Variants in NEK10 observed in about 807,000 individuals in gnomAD.
NEK10 encodes the protein serine/threonine-protein kinase Nek10.
A neutral mutation model predicts 159.8 loss-of-function variants in NEK10; 122 were observed. The observed-to-expected ratio is 0.76, with a 90% CI of 0.66 to 0.89. The LOEUF (loss-of-function observed/expected upper bound fraction) is 0.89. Ranked by LOEUF, NEK10 falls within the 40% of genes least tolerant of loss-of-function variation. The pLI, the probability that NEK10 is intolerant of heterozygous loss-of-function variation, is 0.00. For synonymous variants in NEK10, 466 were observed against 457.1 expected (o/e 1.02, Z -0.25); for missense variants, 1,342 against 1,323.1 (o/e 1.01, Z -0.22).
At chr3:27,287,579 A>G (rs748139034) in intron 20 of NEK10, 119 bp downstream of exon 20, 1 of 1,061,944 alleles carries the variant, frequency 9.4e-7, no homozygotes, top group Non-Finnish European at 1.3e-6. Flanking sequence ...CTACTGTCAT[A>G]TTAACAAAAA....
intron 33 of NEK10, 30 bp downstream of exon 33, chr3:27,119,730 A>C (rs374200401): frequency 1.3e-5 from 19 of 1,515,778 alleles, no homozygotes; most frequent in Non-Finnish European, 1.6e-5. Context: ...TCTTCATGAA[A>C]GCCAGGTTAC....
At chr3:27,138,855 T>C (rs1943492491) in intron 31 of NEK10, among the ~76,000 whole-genome samples, 1 of 152,218 alleles carries the variant, frequency 6.6e-6, no homozygotes, top group Admixed American at 6.5e-5. Flanking sequence ...GCAGGTGCCT[T>C]GGAAGCCCAA....
At chr3:27,246,075 T>C (rs560179283) in intron 23 of NEK10, among the ~76,000 whole-genome samples, 8 of 152,290 alleles carry the variant, frequency 5.3e-5, no homozygotes, top group Middle Eastern at 3.4e-3. Flanking sequence ...GAATTTCCAA[T>C]TGATAAAAGA....
At chr3:27,206,460 G>T (rs149992653) in intron 23 of NEK10, 19 of 295,208 alleles carry the variant, frequency 6.4e-5, no homozygotes, top group African/African-American at 3.9e-4. Flanking sequence ...GAGGTAAGGT[G>T]GCAAGTTGCA....
intron 11 of NEK10, among the ~76,000 whole-genome samples, chr3:27,306,250 C>T (rs9838231): frequency 6.6e-6 from 1 of 152,098 alleles, no homozygotes; most frequent in Non-Finnish European, 1.5e-5. Context: ...AGCTAGGTAA[C>T]CCCACTGCTC....
At position 27,325,021 on chromosome 3, in the gene NEK10, GAT is replaced by G. The variant is rs1449117914; in HGVS notation, c.363-2762_363-2761del. ...AAAGAATTTGAAAGATGTTCTCCAT[GAT>G]ATGAGGCCAGTCACCTGCAGTTGTT... On this transcript the variant is annotated intron_variant, in intron 5 of 35. Transcript: ENST00000691995. Among the ~76,000 whole-genome samples, 4 of 152,282 alleles carry G rather than the reference GAT, an allele frequency of 2.6e-5. 1 individual carries two copies. The highest frequency in any genetic ancestry group is 2.6e-4 in the Admixed American group (4 of 15,290).
chr3:27,121,110 T>C (rs1037706951), intron 32 of NEK10, among the ~76,000 whole-genome samples: 5 of 152,180 alleles, frequency 3.3e-5, no homozygotes, highest in Non-Finnish European at 7.4e-5. Context: ...AGTGCATATG[T>C]CCCATCAAAA....
At chr3:27,317,841 T>G (rs542102026) in intron 6 of NEK10, among the ~76,000 whole-genome samples, 11 of 151,706 alleles carry the variant, frequency 7.3e-5, no homozygotes, top group Middle Eastern at 3.4e-3. Context: ...CTCCCTCTGT[T>G]GCCCAGGCTG....
At chr3:27,284,573 G>C in intron 22 of NEK10, 29 bp downstream of exon 22, 4 of 1,275,154 alleles carry the variant, frequency 3.1e-6, no homozygotes, top group Non-Finnish European at 4.6e-6. Context: ...GAATTCTTCA[G>C]TTAAAAGTTT....
At chr3:27,136,603 G>A (rs1943241951) in intron 31 of NEK10, among the ~76,000 whole-genome samples, 5 of 152,092 alleles carry the variant, frequency 3.3e-5, no homozygotes, top group Non-Finnish European at 7.4e-5. Flanking sequence ...TATGTCCAAA[G>A]GTAGATTTGG....
chr3:27,320,769 T>C (rs193014530), intron 6 of NEK10, among the ~76,000 whole-genome samples: 1 of 152,222 alleles, frequency 6.6e-6, no homozygotes, highest in Non-Finnish European at 1.5e-5. Flanking sequence ...TAGAATACAG[T>C]ATGAGGAAGA....
chr3:27,207,703 T>G (rs1378523236), intron 23 of NEK10, among the ~76,000 whole-genome samples: 1 of 152,160 alleles, frequency 6.6e-6, no homozygotes, highest in Non-Finnish European at 1.5e-5. Flanking sequence ...GTACATTTAG[T>G]TCTCAGGTAT....
At chr3:27,218,736 T>TG (rs1951794652) in intron 23 of NEK10, among the ~76,000 whole-genome samples, 1 of 93,174 alleles carries the variant, frequency 1.1e-5, no homozygotes, top group African/African-American at 4.4e-5. Flanking sequence ...GAATGAAGTC[T>TG]AAAAAAAAAA....
intron 26 of NEK10, among the ~76,000 whole-genome samples, chr3:27,176,530 A>C (rs1182828562): frequency 6.6e-6 from 1 of 152,154 alleles, no homozygotes; most frequent in Non-Finnish European, 1.5e-5. Context: ...CTGATACCAA[A>C]TCCAGGAGCT....
intron 23 of NEK10, among the ~76,000 whole-genome samples, chr3:27,228,382 C>T (rs11927796): frequency 0.026 from 3,889 of 152,066 alleles, 166 homozygotes; most frequent in African/African-American, 0.089. Context: ...TTGCTATCTC[C>T]TGTTATAGAG....
At chr3:27,355,192 C>T (rs1018038320) in intron 1 of NEK10, among the ~76,000 whole-genome samples, 1 of 152,108 alleles carries the variant, frequency 6.6e-6, no homozygotes, top group Admixed American at 6.6e-5. Context: ...TGCTTGACCT[C>T]GCCAGATGTT....
chr3:27,178,896 G>A (rs994155161), intron 26 of NEK10, among the ~76,000 whole-genome samples: 3 of 152,128 alleles, frequency 2.0e-5, no homozygotes, highest in Admixed American at 6.5e-5. Flanking sequence ...CCTACCCAGT[G>A]GTAGATGGAA....
chr3:27,143,149 C>A (rs1326355785), intron 30 of NEK10, among the ~76,000 whole-genome samples: 2 of 152,164 alleles, frequency 1.3e-5, no homozygotes. Flanking sequence ...TACAGTAGTG[C>A]TTCTTGGAGA....
chr3:27,358,901 G>A (rs1424107025), intron 1 of NEK10, among the ~76,000 whole-genome samples: 9 of 152,012 alleles, frequency 5.9e-5, no homozygotes, highest in Non-Finnish European at 1.5e-5. Flanking sequence ...GGTTAAAAAC[G>A]GTACTTATAA....
Sources: gnomAD v4.1 joint callset for allele counts (sites outside exome capture counted in the v4.1 genomes callset) on GRCh38, gnomAD v4.1.1 for gene constraint, MANE v1.5 for transcripts, NCBI Gene and HGNC (gene_info 2026-07-23, HGNC 2026-07-21) for gene names.